The following FHIT variants were observed in gnomAD, a reference collection of about 807,000 sequenced individuals.
FHIT encodes the protein bis(5'-adenosyl)-triphosphatase.
FHIT carries 19 observed loss-of-function variants against 17.9 expected under a neutral mutation model. The observed-to-expected ratio is 1.06, with a 90% CI of 0.74 to 1.56. The LOEUF (loss-of-function observed/expected upper bound fraction) is 1.56. Among genes scored for constraint, FHIT ranks in the 40% most tolerant of loss-of-function variants. The pLI is 0.00. For synonymous variants in FHIT, 81 were observed against 69.7 expected, an observed-to-expected ratio of 1.16 and a Z score of -0.81; for missense variants, 248 against 189.2, an observed-to-expected ratio of 1.31 and a Z score of -1.82.
intron 7 of FHIT, among the ~76,000 whole-genome samples, chr3:59,953,200 G>C (rs1707209671): frequency 6.6e-6 from 1 of 151,394 alleles, no homozygotes; most frequent in African/African-American, 2.4e-5. Flanking sequence ...GTCTTTCTCT[G>C]CATCTGTCCC....
At chr3:60,294,643 AG>A (rs1187628953) in intron 5 of FHIT, among the ~76,000 whole-genome samples, 1 of 152,112 alleles carries the variant, frequency 6.6e-6, no homozygotes, top group Non-Finnish European at 1.5e-5. Flanking sequence ...ATTCGCACAA[AG>A]GTCCCTCATG....
intron 8 of FHIT, among the ~76,000 whole-genome samples, chr3:59,763,151 G>A (rs919413333): frequency 5.9e-5 from 9 of 152,186 alleles, no homozygotes; most frequent in African/African-American, 1.9e-4. Context: ...GAGGCATAGG[G>A]CCAATTTCTG....
At position 60,646,589 on chromosome 3, in the gene FHIT, C is replaced by T. The variant is rs563433439; in HGVS notation, c.-17-109610G>A. On this transcript the variant is annotated intron_variant, in intron 4 of 9. Coordinates refer to ENST00000492590, the MANE Select transcript of FHIT (RefSeq NM_002012.4). ...CAGCCAAAAAGAATATTTTAAAGAG[C>T]TGCTGAGAACTTTATAAAAATAATT... is the stretch of plus-strand genomic sequence containing the variant. Among the ~76,000 whole-genome samples the T allele has an allele frequency of 2.6e-4, 40 of 152,204 alleles. 1 individual carries two copies. The South Asian group carries it at 7.7e-3, about 29-fold the overall frequency.
intron 5 of FHIT, among the ~76,000 whole-genome samples, chr3:60,459,153 A>T (rs1372422265): frequency 6.6e-6 from 1 of 152,148 alleles, no homozygotes; most frequent in Non-Finnish European, 1.5e-5. Context: ...TTCTAGCTTC[A>T]TCAAAATCAC....
At chr3:61,247,144 G>A (rs2040506651) in intron 1 of FHIT, among the ~76,000 whole-genome samples, 1 of 152,104 alleles carries the variant, frequency 6.6e-6, no homozygotes, top group Non-Finnish European at 1.5e-5. Flanking sequence ...AACAGAGCTA[G>A]GAGCAAGATA....
chr3:60,636,299 G>A (rs1157459192), intron 4 of FHIT, among the ~76,000 whole-genome samples: 1 of 152,098 alleles, frequency 6.6e-6, no homozygotes, highest in African/African-American at 2.4e-5. Context: ...TCGATCTCTT[G>A]ACCTCATGAT....
intron 4 of FHIT, among the ~76,000 whole-genome samples, chr3:60,762,550 C>G (rs1699694535): frequency 1.3e-5 from 2 of 152,172 alleles, no homozygotes; most frequent in Admixed American, 1.3e-4. Flanking sequence ...CTTGAGGCAT[C>G]TTGGGGAAAA....
chr3:59,950,018 A>T (rs1707035223), intron 7 of FHIT, among the ~76,000 whole-genome samples: 1 of 152,180 alleles, frequency 6.6e-6, no homozygotes, highest in African/African-American at 2.4e-5. Flanking sequence ...CAGAAGGAAT[A>T]GAGGTAAGGA....
chr3:60,243,837 A>G (rs1705256188), intron 5 of FHIT, among the ~76,000 whole-genome samples: 1 of 152,162 alleles, frequency 6.6e-6, no homozygotes, highest in Non-Finnish European at 1.5e-5. Flanking sequence ...GAGATAAAGA[A>G]TCAATGAAAG....
At chr3:60,603,696 C>T (rs11716874) in intron 4 of FHIT, among the ~76,000 whole-genome samples, 47,409 of 152,044 alleles carry the variant, frequency 0.31, 8,316 homozygotes, top group Admixed American at 0.44. Flanking sequence ...TGAGCAACAT[C>T]ATAAAGTGCC....
At chr3:59,972,568 C>T (rs1708234484) in intron 7 of FHIT, among the ~76,000 whole-genome samples, 1 of 152,062 alleles carries the variant, frequency 6.6e-6, no homozygotes, top group South Asian at 2.1e-4. Flanking sequence ...CGGGGCCAGT[C>T]AGCTTTTTCC....
At chr3:60,126,522 C>A (rs1174373374) in intron 5 of FHIT, among the ~76,000 whole-genome samples, 2 of 152,186 alleles carry the variant, frequency 1.3e-5, no homozygotes, top group Non-Finnish European at 2.9e-5. Context: ...ATATCCCATA[C>A]AAGCTCTATA....
chr3:60,104,599 C>A (rs1361679531), intron 5 of FHIT, among the ~76,000 whole-genome samples: 8 of 150,994 alleles, frequency 5.3e-5, no homozygotes, highest in African/African-American at 1.9e-4. Context: ...AGAACAATCA[C>A]CAAAAGATTA....
At chr3:60,082,115 AC>A (rs1703312147) in intron 5 of FHIT, among the ~76,000 whole-genome samples, 1 of 148,834 alleles carries the variant, frequency 6.7e-6, no homozygotes, top group South Asian at 2.1e-4. Context: ...TCAATCCTTG[AC>A]CCCCTCCTTC....
intron 5 of FHIT, among the ~76,000 whole-genome samples, chr3:60,420,654 TC>T (rs1406132766): frequency 6.6e-6 from 1 of 152,162 alleles, no homozygotes; most frequent in African/African-American, 2.4e-5. Context: ...ACTGGCTATT[TC>T]TCTCTGGCAA....
chr3:59,918,380 A>G (rs1230860853), intron 8 of FHIT, among the ~76,000 whole-genome samples: 4 of 152,208 alleles, frequency 2.6e-5, no homozygotes, highest in East Asian at 1.9e-4. Flanking sequence ...TAAGAAGGAA[A>G]TAGGTATGGC....
chr3:61,187,789 G>A (rs945114928), intron 2 of FHIT, among the ~76,000 whole-genome samples: 3 of 152,072 alleles, frequency 2.0e-5, no homozygotes, highest in Admixed American at 6.6e-5. Flanking sequence ...ACTCAAAACC[G>A]CTCAATTACA....
At chr3:60,384,134 G>A (rs758011469) in intron 5 of FHIT, among the ~76,000 whole-genome samples, 1 of 152,040 alleles carries the variant, frequency 6.6e-6, no homozygotes, top group Non-Finnish European at 1.5e-5. Flanking sequence ...CGAGTGTGGT[G>A]CTGCGTGCCT....
At chr3:61,047,668 T>C (rs1471167500) in intron 2 of FHIT, among the ~76,000 whole-genome samples, 2 of 152,146 alleles carry the variant, frequency 1.3e-5, no homozygotes, top group Admixed American at 1.3e-4. Context: ...GAGCCCACAT[T>C]GCTAAGTCAA....
Sources: allele counts gnomAD v4.1 joint callset (sites outside exome capture counted in the v4.1 genomes callset), GRCh38; gene constraint gnomAD v4.1.1; transcripts MANE v1.5; gene names NCBI Gene and HGNC (gene_info 2026-07-23, HGNC 2026-07-21).